MLKL: variants seen among roughly 807,000 people sequenced by gnomAD.
The protein encoded by MLKL is mixed lineage kinase domain like pseudokinase.
MLKL carries 55 observed loss-of-function variants against 56.5 expected under a neutral mutation model. The ratio of observed to expected loss-of-function variants is 0.97; its 90% CI spans 0.78 to 1.22. MLKL has a LOEUF of 1.22. MLKL is among the 50% of genes most tolerant of loss of function. The pLI is 0.00. For missense variants in MLKL, 694 were observed against 573.9 expected, an observed-to-expected ratio of 1.21 and a Z score of -2.14; for synonymous variants, 251 against 208.3, an observed-to-expected ratio of 1.20 and a Z score of -1.76.
chr16:74,678,838 C>T, intron 7 of MLKL, 61 bp downstream of exon 7: 1 of 1,179,404 alleles, frequency 8.5e-7, no homozygotes, highest in Non-Finnish European at 1.3e-6. Context: ...GACACTCGTG[C>T]CCCTCTCATA....
chr16:74,684,774 C>A (rs1329523367), intron 5 of MLKL, among the ~76,000 whole-genome samples: 3 of 152,000 alleles, frequency 2.0e-5, no homozygotes, highest in African/African-American at 7.2e-5. Context: ...TGAGCCACAG[C>A]GCCTGGCCAG....
intron 6 of MLKL, among the ~76,000 whole-genome samples, chr16:74,681,877 C>T (rs1386495005): frequency 6.6e-6 from 1 of 152,068 alleles, no homozygotes; most frequent in Non-Finnish European, 1.5e-5. Flanking sequence ...TATAGATTCA[C>T]GTACACGCAT....
chr16:74,679,525 T>C (rs538818593), intron 6 of MLKL, among the ~76,000 whole-genome samples: 3 of 152,126 alleles, frequency 2.0e-5, no homozygotes, highest in South Asian at 2.1e-4. Context: ...GGTGCTCCCT[T>C]GACCAGGCAT....
chr16:74,683,547 T>A (rs1319495958), intron 5 of MLKL, among the ~76,000 whole-genome samples: 1 of 150,878 alleles, frequency 6.6e-6, no homozygotes, highest in Non-Finnish European at 1.5e-5. Context: ...AGTAAGCATA[T>A]TGTACCACCG....
At chr16:74,685,340 GA>G (rs368116709) in intron 5 of MLKL, 145 bp downstream of exon 5, 32,001 of 455,544 alleles carry the variant, frequency 0.07, 2 homozygotes, top group South Asian at 0.11. Context: ...ATCTTGGGAT[GA>G]AAAAAAAAAA....
chr16:74,691,688 C>T (rs1960692022), intron 3 of MLKL, among the ~76,000 whole-genome samples: 1 of 152,192 alleles, frequency 6.6e-6, no homozygotes, highest in South Asian at 2.1e-4. Flanking sequence ...GTGTCATCCA[C>T]TTCCTTTCCC....
chr16:74,685,922 C>T (rs1960298272), intron 4 of MLKL, among the ~76,000 whole-genome samples: 1 of 151,244 alleles, frequency 6.6e-6, no homozygotes, highest in South Asian at 2.1e-4. Context: ...AGGCTGTAAC[C>T]TGTTGTTTAG....
At chr16:74,674,094 G>C (rs532610146) in intron 10 of MLKL, among the ~76,000 whole-genome samples, 2 of 152,134 alleles carry the variant, frequency 1.3e-5, no homozygotes, top group East Asian at 3.9e-4. Context: ...TGACATTGGG[G>C]CTGCCAGAGA....
At chr16:74,695,263 C>T (rs761806115) in intron 2 of MLKL, 35 bp downstream of exon 2, 2 of 1,592,118 alleles carry the variant, frequency 1.3e-6, no homozygotes, top group South Asian at 2.2e-5. Flanking sequence ...ATGCATTCAA[C>T]TGCACTCCCA....
At chr16:74,686,594 A>G (rs969908878) in intron 4 of MLKL, among the ~76,000 whole-genome samples, 3 of 152,164 alleles carry the variant, frequency 2.0e-5, no homozygotes, top group African/African-American at 4.8e-5. Flanking sequence ...ACACACACAC[A>G]AAAAAAGATA....
At chr16:74,679,617 C>T (rs1422044784) in intron 6 of MLKL, among the ~76,000 whole-genome samples, 1 of 152,044 alleles carries the variant, frequency 6.6e-6, no homozygotes, top group East Asian at 1.9e-4. Flanking sequence ...AGACCAGCTT[C>T]GCCAACATGG....
chr16:74,681,715 A>T (rs572146052), intron 6 of MLKL, among the ~76,000 whole-genome samples: 55 of 151,494 alleles, frequency 3.6e-4, no homozygotes, highest in African/African-American at 1.2e-3. Context: ...AATGGCATGA[A>T]CCTGGGAGGC....
rs1961319905 is a variant in MLKL, at chr16:74,700,456, C to T, written c.-6G>A. ...CCTGGGAAGACCCCATGCTCACCTT[C>T]GCGCCTCCCGAGGGGTGTGCGTCCA... On this transcript the variant is annotated 5_prime_UTR_variant, in exon 1 of 11. Coordinates refer to ENST00000308807, the MANE Select transcript of MLKL (RefSeq NM_152649.4). The T allele has an allele frequency of 6.6e-6, 1 of 152,460 alleles. No individual in the cohort carries two copies. The allele number at this position is 152,460 out of a possible 1,614,324, so 9.4% of individuals were successfully genotyped here.
intron 6 of MLKL, among the ~76,000 whole-genome samples, chr16:74,682,367 G>A (rs1960028944): frequency 6.6e-6 from 1 of 152,072 alleles, no homozygotes; most frequent in African/African-American, 2.4e-5. Flanking sequence ...AATTTAACTG[G>A]ATATGTTCAT....
chr16:74,693,670 T>G (rs1453167435), intron 2 of MLKL, among the ~76,000 whole-genome samples: 1 of 149,902 alleles, frequency 6.7e-6, no homozygotes, highest in Non-Finnish European at 1.5e-5. Flanking sequence ...TGGAGCGATC[T>G]CAGCTCACTG....
chr16:74,676,149 G>T lies in MLKL; in HGVS notation c.1039-385C>A, dbSNP rs142094255. The T allele has an allele frequency of 1.1e-5, 7 of 641,862 alleles. No homozygotes were observed. In the Admixed American group the frequency reaches 3.4e-4, roughly 31 times the overall value. The allele number at this position is 641,862 out of a possible 1,614,324, so 39.8% of individuals were successfully genotyped here. A position where few individuals can be genotyped will look rare whatever the true frequency, so the allele number is the denominator to read the frequency against. ...AGTGAGAGTGGAGAGGGGTCATAGA[G>T]CCACTGCCTGGCTCGCCTTTTCCCA... is the stretch of plus-strand genomic sequence containing the variant. On this transcript the variant is annotated intron_variant, in intron 7 of 10. Coordinates refer to ENST00000308807, the MANE Select transcript of MLKL (RefSeq NM_152649.4).
At chr16:74,687,129 C>T (rs1567611140) in intron 4 of MLKL, among the ~76,000 whole-genome samples, 1 of 152,076 alleles carries the variant, frequency 6.6e-6, no homozygotes, top group Non-Finnish European at 1.5e-5. Flanking sequence ...GCGCTTGCTA[C>T]CATGCCCGGC....
rs1959265581 is a variant in MLKL, at chr16:74,672,142, T to A, written c.*362A>T. 5.3e-6 allele frequency: 1 copy of A among 187,662 alleles called. No individual in the cohort carries two copies. Among genetic ancestry groups the A allele is most frequent in the Non-Finnish European group, 1.1e-5 (1 of 90,208 alleles). 11.6% of individuals were successfully genotyped at this position (187,662 alleles called of 1,614,324 possible). The stretch of plus-strand genomic sequence containing the variant: ...TTGGAACTGGCATACAGTCACTTCT[T>A]CCACATTCTATTGATCAAATCAAGT... On this transcript the variant is annotated 3_prime_UTR_variant, in exon 11 of 11. Transcript: ENST00000308807.
At chr16:74,699,700 TG>T (rs1366385305) in intron 1 of MLKL, among the ~76,000 whole-genome samples, 2 of 151,888 alleles carry the variant, frequency 1.3e-5, no homozygotes, top group African/African-American at 4.8e-5. Context: ...TTTGGGAGGG[TG>T]AGGTAGGAGG....
Sources: gnomAD v4.1 joint callset for allele counts (sites outside exome capture counted in the v4.1 genomes callset) on GRCh38, gnomAD v4.1.1 for gene constraint, MANE v1.5 for transcripts, NCBI Gene and HGNC (gene_info 2026-07-23, HGNC 2026-07-21) for gene names.